The following ABCD2 variants were observed in gnomAD, a reference collection of about 807,000 sequenced individuals.
ABCD2 encodes ATP-binding cassette sub-family D member 2.
A neutral mutation model predicts 70.9 loss-of-function variants in ABCD2; 36 were observed. The observed-to-expected ratio is 0.51, with a 90% CI of 0.39 to 0.67. ABCD2 has a LOEUF of 0.67. ABCD2 is among the 30% of genes least tolerant of loss of function. The pLI is 0.00. For synonymous variants in ABCD2, 304 were observed against 306.9 expected (o/e 0.99, Z 0.10); for missense variants, 729 against 890.2 (o/e 0.82, Z 2.30).
At chr12:39,590,844 A>C (rs866353267) in intron 6 of ABCD2, among the ~76,000 whole-genome samples, 2 of 152,062 alleles carry the variant, frequency 1.3e-5, no homozygotes, top group South Asian at 2.1e-4. Flanking sequence ...ATGGGAAAGC[A>C]CTGAGAAGTG....
chr12:39,610,983 C>T (rs1157643841), intron 2 of ABCD2, among the ~76,000 whole-genome samples: 1 of 152,146 alleles, frequency 6.6e-6, no homozygotes, highest in Admixed American at 6.5e-5. Flanking sequence ...TTTTTGTCCT[C>T]ACTGAATATT....
Position 39,619,678 on chromosome 12 carries a change from A to G in ABCD2, c.-63T>C. On this transcript the variant is annotated 5_prime_UTR_variant, in exon 1 of 10. Coordinates refer to ENST00000308666, the MANE Select transcript of ABCD2 (RefSeq NM_005164.4). ...TTTTAAAAGATCATGCTTCACAGAAATCCCCAGCAAATGTTTTAGAAAGTC... is the reference window on the plus strand; with the variant it reads ...TTTTAAAAGATCATGCTTCACAGAAGTCCCCAGCAAATGTTTTAGAAAGTC... 2 of 1,426,058 alleles carry G rather than the reference A, an allele frequency of 1.4e-6. No individual in the cohort carries two copies. The highest frequency in any genetic ancestry group is 1.9e-6 in the Non-Finnish European group (2 of 1,053,072). The allele number at this position is 1,426,058 out of a possible 1,614,324, so 88.3% of individuals were successfully genotyped here. A position where few individuals can be genotyped will look rare whatever the true frequency, so the allele number is the denominator to read the frequency against.
In ABCD2 at chr12:39,619,001, G is replaced by A. The variant is rs902948251; in HGVS notation, c.615C>T (p.Asn205=). 1 of 1,614,152 alleles carries A rather than the reference G, an allele frequency of 6.2e-7. No individual in the cohort carries two copies. Among genetic ancestry groups the A allele is most frequent in the African/African-American group, 1.3e-5 (1 of 75,028 alleles). The change falls in exon 1 of 10, where the codon AAC becomes AAT. Residue 205 remains asparagine (N), a synonymous_variant. Transcript: ENST00000308666. ...TATCCTCCGTAAGAGATTGGTCAGG[G>A]TTTGCCAGCCTCCCATCCATATTGA... is the stretch of plus-strand genomic sequence containing the variant. ...KVINMDGRLA[N]PDQSLTEDIM... is the part of the protein sequence containing the mutation.
the ABCD2 span, among the ~76,000 whole-genome samples, chr12:39,541,319 C>A: frequency 2.5e-4 from 38 of 152,194 alleles, no homozygotes; most frequent in Admixed American, 7.2e-4. Context: ...AAGAAAGCGT[C>A]CCTGTGGAAT....
At chr12:39,594,190 A>G (rs1467838465) in intron 6 of ABCD2, among the ~76,000 whole-genome samples, 2 of 152,160 alleles carry the variant, frequency 1.3e-5, no homozygotes, top group African/African-American at 2.4e-5. Context: ...CCCTGTTGAT[A>G]CCAATAAGGC....
At chr12:39,588,885 A>C (rs1941704266) in intron 6 of ABCD2, among the ~76,000 whole-genome samples, 1 of 152,228 alleles carries the variant, frequency 6.6e-6, no homozygotes, top group South Asian at 2.1e-4. Flanking sequence ...AGTGCAGTGC[A>C]TGACAATGGA....
At chr12:39,538,688 G>C in the ABCD2 span, among the ~76,000 whole-genome samples, 1 of 152,086 alleles carries the variant, frequency 6.6e-6, no homozygotes, top group African/African-American at 2.4e-5. Flanking sequence ...AAGCTTGAAG[G>C]GATGAGTAAC....
chr12:39,558,253 A>T (rs944919230), intron 9 of ABCD2, among the ~76,000 whole-genome samples: 2 of 152,258 alleles, frequency 1.3e-5, no homozygotes, highest in Admixed American at 6.5e-5. Context: ...CTTTTTGGCC[A>T]ATTTGGAATG....
At chr12:39,580,375 T>C (rs1941580715) in intron 7 of ABCD2, among the ~76,000 whole-genome samples, 1 of 152,200 alleles carries the variant, frequency 6.6e-6, no homozygotes, top group Admixed American at 6.5e-5. Context: ...TTGATATTTA[T>C]TCAAAAAACA....
chr12:39,567,187 G>T (rs1449340254), intron 9 of ABCD2, among the ~76,000 whole-genome samples: 2 of 152,176 alleles, frequency 1.3e-5, no homozygotes, highest in South Asian at 2.1e-4. Context: ...GGATATGCTT[G>T]TTAACTTTCT....
chr12:39,535,843 T>G, the ABCD2 span, among the ~76,000 whole-genome samples: 1 of 152,144 alleles, frequency 6.6e-6, no homozygotes, highest in African/African-American at 2.4e-5. Flanking sequence ...ATTAAAAATT[T>G]AAACAATAAA....
At chr12:39,536,936 T>G in the ABCD2 span, among the ~76,000 whole-genome samples, 1 of 152,170 alleles carries the variant, frequency 6.6e-6, no homozygotes, top group Admixed American at 6.5e-5. Context: ...ACATCTTCAT[T>G]GCCAAGTAGA....
rs777092294 is a variant in ABCD2, at chr12:39,600,639, C to T, written c.1578G>A (p.Gly526=). The T allele has an allele frequency of 3.5e-5, 56 of 1,612,582 alleles. No homozygotes were observed. The Admixed American group carries it at 9.0e-4, about 26-fold the overall frequency. Residue 526 remains glycine (G), a synonymous_variant, in exon 6 of 10, where the codon GGG becomes GGA. Coordinates refer to ENST00000308666, the MANE Select transcript of ABCD2 (RefSeq NM_005164.4). ...GKSSLFRILS[G]LWPVYEGVLY... is the part of the protein sequence containing the mutation. The stretch of plus-strand genomic sequence containing the variant: ...GGACTCCTTCATACACAGGCCAGAG[C>T]CCACTTAGAATTCTGAAGAGAGAAC...
chr12:39,594,493 A>T (rs1286366643), intron 6 of ABCD2, among the ~76,000 whole-genome samples: 1 of 152,232 alleles, frequency 6.6e-6, no homozygotes, highest in Non-Finnish European at 1.5e-5. Context: ...CATTCTCAGG[A>T]TAAAATCAAT....
At chr12:39,576,084 GC>G (rs995911316) in intron 8 of ABCD2, among the ~76,000 whole-genome samples, 2 of 152,108 alleles carry the variant, frequency 1.3e-5, no homozygotes, top group Admixed American at 6.5e-5. Flanking sequence ...GGTACTTATG[GC>G]CTAGACCCAA....
At chr12:39,534,760 G>GAGAAAGAGAAAGAAAGAAAGAAAGAA in the ABCD2 span, among the ~76,000 whole-genome samples, 29 of 113,252 alleles carry the variant, frequency 2.6e-4, 1 homozygote, top group South Asian at 3.2e-4. Context: ...AAGAAAGAAA[G>GAGAAAGAGAAAGAAAGAAAGAAAGAA]AGAAAGAAAG....
chr12:39,598,137 A>G (rs1263716796), intron 6 of ABCD2, among the ~76,000 whole-genome samples: 1 of 152,206 alleles, frequency 6.6e-6, no homozygotes, highest in African/African-American at 2.4e-5. Context: ...ATCATTATAA[A>G]TCCACTTTTA....
chr12:39,571,896 C>T (rs1941453458), intron 9 of ABCD2, among the ~76,000 whole-genome samples: 1 of 152,128 alleles, frequency 6.6e-6, no homozygotes, highest in African/African-American at 2.4e-5. Context: ...AAATATGACA[C>T]ATCTTTCCCC....
chr12:39,546,341 C>T (rs1941025110), downstream of ABCD2, among the ~76,000 whole-genome samples: 2 of 151,986 alleles, frequency 1.3e-5, no homozygotes, highest in African/African-American at 4.8e-5. Flanking sequence ...TGCATTTAGG[C>T]ACCTATTGAA....
Sources: gnomAD v4.1 joint callset for allele counts (sites outside exome capture counted in the v4.1 genomes callset) on GRCh38, gnomAD v4.1.1 for gene constraint, MANE v1.5 for transcripts, NCBI Gene and HGNC (gene_info 2026-07-23, HGNC 2026-07-21) for gene names.